Variants in POU2F1 observed in about 807,000 individuals in gnomAD.
The protein encoded by POU2F1 is POU class 2 homeobox 1, also known as POU domain, class 2, transcription factor 1.
Under a neutral mutation model 84.9 loss-of-function variants are expected in POU2F1, and 16 were observed. The observed-to-expected ratio is 0.19, with a 90% CI of 0.13 to 0.29. POU2F1 has a LOEUF of 0.29. Among genes scored for constraint, POU2F1 ranks in the 10% least tolerant of loss-of-function variants. The probability of loss-of-function intolerance (pLI) is 1.00; values close to 1 mark genes in which losing one functional copy is unlikely to be tolerated. For synonymous variants in POU2F1, 368 were observed against 368.3 expected (o/e 1.00, Z 0.01); for missense variants, 738 against 942.6 (o/e 0.78, Z 2.84).
In POU2F1 at chr1:167,426,735, G is replaced by A. The variant is rs1420099890; in HGVS notation, c.*10925G>A. The A allele has an allele frequency of 6.6e-6, 1 of 152,200 alleles. No homozygotes were observed. Among genetic ancestry groups the A allele is most frequent in the Non-Finnish European group, 1.5e-5 (1 of 68,030 alleles). 9.4% of individuals were successfully genotyped at this position (152,200 alleles called of 1,614,324 possible). On this transcript the variant is annotated 3_prime_UTR_variant, in exon 16 of 16. Coordinates refer to ENST00000367866, the MANE Select transcript of POU2F1 (RefSeq NM_002697.4). ...TTTATGTACTTTAAAATGTGAGTTT[G>A]AGTTCTTCTTTGTGGAAACTTAAGA...
chr1:167,291,911 A>G (rs1401348917), intron 1 of POU2F1, among the ~76,000 whole-genome samples: 1 of 152,202 alleles, frequency 6.6e-6, no homozygotes, highest in Non-Finnish European at 1.5e-5. Flanking sequence ...CTCTAGTAGC[A>G]AAATGAATTC....
At chr1:167,406,259 A>G (rs973916521) in intron 13 of POU2F1, among the ~76,000 whole-genome samples, 3 of 152,262 alleles carry the variant, frequency 2.0e-5, no homozygotes, top group African/African-American at 7.2e-5. Context: ...ACATTATAAT[A>G]GTAGAAGAAA....
At chr1:167,234,415 C>A (rs1649299707) in intron 1 of POU2F1, among the ~76,000 whole-genome samples, 1 of 152,100 alleles carries the variant, frequency 6.6e-6, no homozygotes, top group Non-Finnish European at 1.5e-5. Flanking sequence ...CATACATTCT[C>A]AACATTTTGG....
chr1:167,413,877 G>A (rs1000981150), intron 15 of POU2F1, among the ~76,000 whole-genome samples: 1 of 151,974 alleles, frequency 6.6e-6, no homozygotes, highest in South Asian at 2.1e-4. Context: ...CTAAGAGGCT[G>A]AGGCAGGAGG....
At chr1:167,391,559 CTTTTT>C (rs1175783404) in intron 9 of POU2F1, among the ~76,000 whole-genome samples, 3 of 57,894 alleles carry the variant, frequency 5.2e-5, no homozygotes, top group African/African-American at 2.2e-4. Flanking sequence ...TTATATATAT[CTTTTT>C]TTTTTTTTTT....
intron 1 of POU2F1, among the ~76,000 whole-genome samples, chr1:167,235,254 G>A (rs916877333): frequency 2.6e-5 from 4 of 152,152 alleles, no homozygotes; most frequent in Admixed American, 2.0e-4. Context: ...CCTACCCTCT[G>A]AGTACTTGCT....
chr1:167,238,550 C>T (rs1197335841), intron 1 of POU2F1, among the ~76,000 whole-genome samples: 2 of 152,094 alleles, frequency 1.3e-5, no homozygotes, highest in African/African-American at 4.8e-5. Context: ...TTCAGAATGC[C>T]CCTGTATAGG....
At chr1:167,312,062 G>A (rs1243770389) in intron 1 of POU2F1, among the ~76,000 whole-genome samples, 1 of 151,954 alleles carries the variant, frequency 6.6e-6, no homozygotes, top group Admixed American at 6.6e-5. Flanking sequence ...AGCCTCCTGA[G>A]TAACTGGAAT....
chr1:167,240,225 G>T (rs985533852), intron 1 of POU2F1, among the ~76,000 whole-genome samples: 1 of 152,164 alleles, frequency 6.6e-6, no homozygotes, highest in African/African-American at 2.4e-5. Flanking sequence ...CGAAGTGTAT[G>T]AATAGTCAAT....
At chr1:167,317,657 G>A (rs1446269460) in intron 1 of POU2F1, among the ~76,000 whole-genome samples, 2 of 152,206 alleles carry the variant, frequency 1.3e-5, no homozygotes, top group Non-Finnish European at 2.9e-5. Context: ...ATTATTTGTG[G>A]TTCGGGAATG....
chr1:167,373,354 C>T (rs1395455153), intron 5 of POU2F1, among the ~76,000 whole-genome samples: 1 of 152,146 alleles, frequency 6.6e-6, no homozygotes, highest in Non-Finnish European at 1.5e-5. Flanking sequence ...AAATACATTT[C>T]CTACTTTACT....
intron 1 of POU2F1, among the ~76,000 whole-genome samples, chr1:167,312,181 C>T (rs1026698092): frequency 6.6e-5 from 10 of 151,630 alleles, no homozygotes; most frequent in African/African-American, 2.2e-4. Flanking sequence ...TATGATCCAC[C>T]CCCCTTGGCC....
chr1:167,390,399 C>CCT (rs1225681616), intron 9 of POU2F1, among the ~76,000 whole-genome samples: 1 of 152,070 alleles, frequency 6.6e-6, no homozygotes, highest in Non-Finnish European at 1.5e-5. Context: ...TGGTGGTAGA[C>CCT]CTCAGTACTT....
Position 167,323,728 on chromosome 1 carries a change from T to C in POU2F1, c.62-8742T>C, listed in dbSNP as rs572300632. Among the ~76,000 whole-genome samples, 6 of 152,332 alleles carry C rather than the reference T, an allele frequency of 3.9e-5. No individual in the cohort carries two copies. The South Asian group carries it at 1.2e-3, about 32-fold the overall frequency. On this transcript the variant is annotated intron_variant, in intron 1 of 15. Coordinates refer to ENST00000367866, the MANE Select transcript of POU2F1 (RefSeq NM_002697.4). The stretch of plus-strand genomic sequence containing the variant: ...TTTATTTACAGATGGAGTTTCTCTC[T>C]GTCACCCAGGCAGGAGTGCAGTCAC...
At chr1:167,283,023 T>G (rs1653266982) in intron 1 of POU2F1, among the ~76,000 whole-genome samples, 1 of 152,262 alleles carries the variant, frequency 6.6e-6, no homozygotes, top group Non-Finnish European at 1.5e-5. Context: ...GCTTGGCACA[T>G]GTTAACACTT....
chr1:167,221,104 C>T (rs1648092014), intron 1 of POU2F1, 146 bp downstream of exon 1: 3 of 793,838 alleles, frequency 3.8e-6, no homozygotes, highest in East Asian at 2.8e-5. Flanking sequence ...CATTGAGCCC[C>T]CGCCGGGCGC....
intron 1 of POU2F1, among the ~76,000 whole-genome samples, chr1:167,270,532 G>T (rs1436684189): frequency 6.6e-6 from 1 of 152,130 alleles, no homozygotes; most frequent in African/African-American, 2.4e-5. Flanking sequence ...AATCTCAGAG[G>T]AGAGAGAGAA....
intron 11 of POU2F1, 129 bp downstream of exon 11, chr1:167,398,262 G>C (rs1648952691): frequency 8.9e-7 from 1 of 1,122,166 alleles, no homozygotes; most frequent in African/African-American, 1.6e-5. Context: ...TTATAAATAG[G>C]TGAAGTAAGT....
At chr1:167,227,665 C>T (rs2102331161) in intron 1 of POU2F1, among the ~76,000 whole-genome samples, 1 of 152,220 alleles carries the variant, frequency 6.6e-6, no homozygotes, top group East Asian at 1.9e-4. Context: ...TAAAAGGTAT[C>T]TGCTATGTAC....
Sources: allele counts gnomAD v4.1 joint callset (sites outside exome capture counted in the v4.1 genomes callset), GRCh38; gene constraint gnomAD v4.1.1; transcripts MANE v1.5; gene names NCBI Gene and HGNC (gene_info 2026-07-23, HGNC 2026-07-21).